SBF2: variants seen among roughly 807,000 people sequenced by gnomAD.
The protein encoded by SBF2 is SET binding factor 2.
A neutral mutation model predicts 225.2 loss-of-function variants in SBF2; 112 were observed. That is an observed-to-expected ratio of 0.50 (90% confidence interval 0.43 to 0.58). The LOEUF (loss-of-function observed/expected upper bound fraction) is 0.58, where lower values mean the gene tolerates loss of function less well. SBF2 is among the 20% of genes least tolerant of loss of function. The pLI, the probability that SBF2 is intolerant of heterozygous loss-of-function variation, is 0.00. For missense variants in SBF2, 1,996 were observed against 2,206.2 expected, an observed-to-expected ratio of 0.90 and a Z score of 1.91; for synonymous variants, 763 against 773.3, an observed-to-expected ratio of 0.99 and a Z score of 0.22.
At chr11:10,190,536 A>G (rs887418763) in intron 2 of SBF2, among the ~76,000 whole-genome samples, 2 of 152,206 alleles carry the variant, frequency 1.3e-5, no homozygotes, top group Non-Finnish European at 2.9e-5. Context: ...GTAAAAATGG[A>G]AAAAGAAATT....
At chr11:9,886,633 G>A (rs975932559) in intron 17 of SBF2, among the ~76,000 whole-genome samples, 4 of 150,812 alleles carry the variant, frequency 2.7e-5, no homozygotes, top group Non-Finnish European at 4.4e-5. Context: ...GCTCTGGAGT[G>A]CAGTAGCACC....
intron 17 of SBF2, among the ~76,000 whole-genome samples, chr11:9,885,251 CAAAAAAAAAAAAAAA>C (rs71453937): frequency 2.6e-5 from 1 of 38,280 alleles, no homozygotes; most frequent in South Asian, 1.7e-3. Context: ...ACTTTTCCTC[CAAAAAAAAAAAAAAA>C]AAAAAAAAAA....
intron 2 of SBF2, among the ~76,000 whole-genome samples, chr11:10,121,916 C>T (rs1206450569): frequency 3.3e-5 from 5 of 152,294 alleles, no homozygotes; most frequent in South Asian, 2.1e-4. Flanking sequence ...ATCTGCCCAC[C>T]TGTTACTCAC....
At chr11:10,200,305 A>T (rs2135351044) in intron 1 of SBF2, among the ~76,000 whole-genome samples, 1 of 152,330 alleles carries the variant, frequency 6.6e-6, no homozygotes, top group African/African-American at 2.4e-5. Flanking sequence ...ATGTGCATGT[A>T]AAATATATAC....
intron 2 of SBF2, among the ~76,000 whole-genome samples, chr11:10,179,366 C>CAAAAAACAAAAACAAAAAAACAAA (rs1236297495): frequency 8.4e-6 from 1 of 119,424 alleles, no homozygotes; most frequent in African/African-American, 3.0e-5. Context: ...AAAAAACAAA[C>CAAAAAACAAAAACAAAAAAACAAA]AAAAAACAAA....
rs1591355487 is a variant in SBF2 at position 10,277,612 on chromosome 11, T to A, written c.55+16403A>T. Among the ~76,000 whole-genome samples, 3 of 152,212 alleles carry A rather than the reference T, an allele frequency of 2.0e-5. No homozygotes were observed. The Middle Eastern group carries it at 0.01, about 518-fold the overall frequency. On this transcript the variant is annotated intron_variant, in intron 1 of 39. Coordinates refer to ENST00000256190, the MANE Select transcript of SBF2 (RefSeq NM_030962.4). ...AATGTGACTTTATTTGGAAACAGGG[T>A]CTTTGCAGATATAGTTAAGGATCTT...
Position 9,842,567 on chromosome 11 carries a change from C to G in SBF2, c.3256+58G>C, listed in dbSNP as rs2133961101. 9 of 1,551,232 alleles carry G rather than the reference C, an allele frequency of 5.8e-6. 1 individual carries two copies. In the South Asian group the frequency reaches 8.9e-5, roughly 15 times the overall value. ...GATGTAAGTGCAACTACATCTGAGT[C>G]TCTTATTCATATAAGAAATAAAGTT... On this transcript the variant is annotated intron_variant, in intron 25 of 39. Transcript: ENST00000256190.
At chr11:10,286,629 A>T (rs1963812237) in intron 1 of SBF2, among the ~76,000 whole-genome samples, 1 of 152,140 alleles carries the variant, frequency 6.6e-6, no homozygotes, top group African/African-American at 2.4e-5. Context: ...AAGTGGTGAG[A>T]TTATAAGTGT....
rs77711237 is a variant in SBF2, at chr11:9,917,853, G to A, written c.1861-21842C>T. Among the ~76,000 whole-genome samples the A allele has an allele frequency of 3.6e-4, 55 of 151,378 alleles. No homozygotes were observed. The East Asian group carries it at 9.7e-3, about 27-fold the overall frequency. On this transcript the variant is annotated intron_variant, in intron 16 of 39. Coordinates refer to ENST00000256190, the MANE Select transcript of SBF2 (RefSeq NM_030962.4). ...TGATGTCTTTAAAAACCCCAAACTTGATATATCCTGAACTCAATTATCTGT... is the reference window on the plus strand; with the variant it reads ...TGATGTCTTTAAAAACCCCAAACTTAATATATCCTGAACTCAATTATCTGT...
At chr11:10,063,830 AACACAC>A (rs140036479) in intron 2 of SBF2, among the ~76,000 whole-genome samples, 5,032 of 140,142 alleles carry the variant, frequency 0.036, 289 homozygotes, top group East Asian at 0.19. Context: ...TCTAAAATAA[AACACAC>A]ACACACACAC....
chr11:9,909,030 C>T (rs1190287648), intron 16 of SBF2, among the ~76,000 whole-genome samples: 1 of 151,936 alleles, frequency 6.6e-6, no homozygotes, highest in East Asian at 1.9e-4. Flanking sequence ...TGCATATCCT[C>T]CCTAATTAGT....
At chr11:10,154,278 G>C (rs931885455) in intron 2 of SBF2, among the ~76,000 whole-genome samples, 3 of 152,010 alleles carry the variant, frequency 2.0e-5, no homozygotes, top group Non-Finnish European at 4.4e-5. Context: ...TTTTAGTAGT[G>C]TTTGGAGATT....
intron 1 of SBF2, among the ~76,000 whole-genome samples, chr11:10,282,769 T>G (rs1963500547): frequency 1.3e-5 from 2 of 152,172 alleles, no homozygotes. Flanking sequence ...CACATTTCTA[T>G]GTTGTTTCTT....
chr11:9,887,797 C>T (rs140268554), intron 17 of SBF2, among the ~76,000 whole-genome samples: 290 of 151,930 alleles, frequency 1.9e-3, no homozygotes, highest in Non-Finnish European at 3.2e-3. Context: ...TCATCACCCA[C>T]TCCCTCCCCT....
At chr11:10,263,208 A>G (rs1421303524) in intron 1 of SBF2, among the ~76,000 whole-genome samples, 1 of 152,084 alleles carries the variant, frequency 6.6e-6, no homozygotes, top group Non-Finnish European at 1.5e-5. Context: ...ACAATAAATC[A>G]ACATTTCAGA....
intron 19 of SBF2, among the ~76,000 whole-genome samples, chr11:9,855,391 A>T (rs891844055): frequency 1.3e-5 from 2 of 152,212 alleles, no homozygotes; most frequent in African/African-American, 2.4e-5. Flanking sequence ...TGAGTCTTCC[A>T]CAGAGTAAGA....
chr11:10,106,623 C>G (rs1197405250), intron 2 of SBF2, among the ~76,000 whole-genome samples: 3 of 129,000 alleles, frequency 2.3e-5, no homozygotes, highest in African/African-American at 8.7e-5. Flanking sequence ...AGCAAGACTC[C>G]GACTCAATTA....
intron 16 of SBF2, among the ~76,000 whole-genome samples, chr11:9,931,224 C>T (rs1008730928): frequency 3.3e-5 from 5 of 152,230 alleles, no homozygotes; most frequent in African/African-American, 1.2e-4. Context: ...CTTAGAAGTC[C>T]CTGTCTGACA....
At chr11:10,051,415 C>T (rs1049393386) in intron 2 of SBF2, among the ~76,000 whole-genome samples, 1 of 152,012 alleles carries the variant, frequency 6.6e-6, no homozygotes, top group Non-Finnish European at 1.5e-5. Context: ...AAGTATTACC[C>T]TTAAAACTTT....
Sources: allele counts gnomAD v4.1 joint callset (sites outside exome capture counted in the v4.1 genomes callset), GRCh38; gene constraint gnomAD v4.1.1; transcripts MANE v1.5; gene names NCBI Gene and HGNC (gene_info 2026-07-23, HGNC 2026-07-21).